Variants in SPTB observed in about 807,000 individuals in gnomAD.
SPTB encodes the protein spectrin beta, erythrocytic.
In SPTB, 45 loss-of-function variants were observed where a neutral mutation model predicts 256.2. The ratio of observed to expected loss-of-function variants is 0.18; its 90% CI spans 0.14 to 0.23. The LOEUF (loss-of-function observed/expected upper bound fraction) is 0.23. SPTB is among the 10% of genes least tolerant of loss of function. SPTB has a pLI of 1.00. For missense variants in SPTB, 2,715 were observed against 3,040.4 expected (o/e 0.89, Z 2.52); for synonymous variants, 1,231 against 1,243.1 (o/e 0.99, Z 0.21).
At chr14:64,849,717 T>C (rs1052750279) in intron 1 of SPTB, among the ~76,000 whole-genome samples, 16 of 152,196 alleles carry the variant, frequency 1.1e-4, no homozygotes, top group African/African-American at 3.9e-4. Flanking sequence ...AGTAAGGACA[T>C]TTTTTGTTTT....
rs1211482533 is a variant in SPTB, at chr14:64,806,784, G to A, written c.149-1694C>T. Reference sequence around the variant, plus strand: ...AGACAGACTCTATTATAAATATGACGAGGGCTTGAGTCATACATGAAGAAT... The same window carrying A: ...AGACAGACTCTATTATAAATATGACAAGGGCTTGAGTCATACATGAAGAAT... On this transcript the variant is annotated intron_variant, in intron 2 of 35. Coordinates refer to ENST00000644917, the MANE Select transcript of SPTB (RefSeq NM_001355436.2). The surrounding 1 kb of genome is among the most constrained non-coding windows in gnomAD (Gnocchi z 4.1). Among the ~76,000 whole-genome samples the A allele has an allele frequency of 1.3e-5, 2 of 152,120 alleles. No individual in the cohort carries two copies. The highest frequency in any genetic ancestry group is 6.5e-5 in the Admixed American group (1 of 15,270).
At chr14:64,810,411 G>A (rs2083066217) in intron 2 of SPTB, among the ~76,000 whole-genome samples, 1 of 152,228 alleles carries the variant, frequency 6.6e-6, no homozygotes, top group Non-Finnish European at 1.5e-5. Flanking sequence ...GGGCGTGGTG[G>A]CTCACGCCTG....
Position 64,790,945 on chromosome 14 carries a change from T to C in SPTB, c.2804+774A>G, listed in dbSNP as rs1003739035. 6.6e-6 allele frequency among the ~76,000 whole-genome samples: 1 copy of C among 152,176 alleles called. No homozygotes were observed. Among genetic ancestry groups the C allele is most frequent in the African/African-American group, 2.4e-5 (1 of 41,426 alleles). ...TAAGGCTCCCTGCTAATTCTCCTCTTCCTTCAAGCCAGCCTCATTATCGAT... is the reference window on the plus strand; with the variant it reads ...TAAGGCTCCCTGCTAATTCTCCTCTCCCTTCAAGCCAGCCTCATTATCGAT... On this transcript the variant is annotated intron_variant, in intron 15 of 35. Transcript: ENST00000644917. This position sits in a 1 kb window ranked among gnomAD's most constrained non-coding sequence, Gnocchi z 4.8.
intron 1 of SPTB, among the ~76,000 whole-genome samples, chr14:64,861,710 T>G (rs1304103387): frequency 6.6e-6 from 1 of 152,210 alleles, no homozygotes; most frequent in Non-Finnish European, 1.5e-5. Context: ...CAATCTGCAT[T>G]CATTGTCTTC....
rs1007052251 is a variant in SPTB at position 64,825,079 on chromosome 14, C to T, written c.-51-1934G>A. On this transcript the variant is annotated intron_variant, in intron 1 of 35. Coordinates refer to ENST00000644917, the MANE Select transcript of SPTB (RefSeq NM_001355436.2). The surrounding 1 kb of genome is among the most constrained non-coding windows in gnomAD (Gnocchi z 4.8). ...AGGGCAGGTGGGGAAAGGACTGGAGCACAGTTTATCCCCCTTGATCGGACA... is the reference window on the plus strand; with the variant it reads ...AGGGCAGGTGGGGAAAGGACTGGAGTACAGTTTATCCCCCTTGATCGGACA... Among the ~76,000 whole-genome samples, 1 of 151,250 alleles carries T rather than the reference C, an allele frequency of 6.6e-6. No homozygotes were observed. The highest frequency in any genetic ancestry group is 2.4e-5 in the African/African-American group (1 of 41,080).
At position 64,775,921 on chromosome 14, in the gene SPTB, T is replaced by G. The variant is rs2082349530; in HGVS notation, c.4564-518A>C. ...AAAAGAACAGGTGACAGCAGCCCCTTGCTTACAGTCTCAGCTTTTGTTTTT... is the reference window on the plus strand; with the variant it reads ...AAAAGAACAGGTGACAGCAGCCCCTGGCTTACAGTCTCAGCTTTTGTTTTT... On this transcript the variant is annotated intron_variant, in intron 22 of 35. Coordinates refer to ENST00000644917, the MANE Select transcript of SPTB (RefSeq NM_001355436.2). The surrounding 1 kb of genome is among the most constrained non-coding windows in gnomAD (Gnocchi z 5.0). 6.6e-6 allele frequency among the ~76,000 whole-genome samples: 1 copy of G among 152,220 alleles called. No individual in the cohort carries two copies. The highest frequency in any genetic ancestry group is 2.4e-5 in the African/African-American group (1 of 41,460).
Position 64,801,316 on chromosome 14 carries a change from C to G in SPTB, c.732G>C (p.Gln244His). The G allele has an allele frequency of 6.2e-7, 1 of 1,614,132 alleles. No individual in the cohort carries two copies. Among genetic ancestry groups the G allele is most frequent in the Non-Finnish European group, 8.5e-7 (1 of 1,179,984 alleles). Residue 244 changes from glutamine (Q) to histidine (H), a missense_variant, in exon 7 of 36, where the codon CAG becomes CAC. Physicochemically the swap from Gln to His is conservative, Grantham distance 24. This residue lies in a region of SPTB where 416 missense variants were observed against 571.1 expected (regional missense o/e 0.73). Coordinates refer to ENST00000644917, the MANE Select transcript of SPTB (RefSeq NM_001355436.2). Reference protein sequence around the residue: ...LEHAFNVAERQLGIIPLLDPE... With the variant: ...LEHAFNVAERHLGIIPLLDPE... ...GGTCGAGGAGCGGGATGATGCCCAG[C>G]TGGCGCTCAGCCACATTGAATGCGT...
At position 64,844,407 on chromosome 14, in the gene SPTB, G is replaced by C. The variant is rs2083657437; in HGVS notation, c.-51-21262C>G. Among the ~76,000 whole-genome samples, 1 of 152,160 alleles carries C rather than the reference G, an allele frequency of 6.6e-6. No individual in the cohort carries two copies. Among genetic ancestry groups the C allele is most frequent in the South Asian group, 2.1e-4 (1 of 4,826 alleles). ...AACAACCATGTTTAGTGAGTACTTA[G>C]AACATGTGAGGCACCATGCTAAGTG... On this transcript the variant is annotated intron_variant, in intron 1 of 35. Coordinates refer to ENST00000644917, the MANE Select transcript of SPTB (RefSeq NM_001355436.2). This position sits in a 1 kb window ranked among gnomAD's most constrained non-coding sequence, Gnocchi z 4.1.
intron 19 of SPTB, among the ~76,000 whole-genome samples, chr14:64,783,361 C>T (rs1466905903): frequency 2.6e-5 from 4 of 152,022 alleles, no homozygotes; most frequent in Middle Eastern, 3.2e-3. Flanking sequence ...GCCACCATGC[C>T]CAGATAATTT....
chr14:64,786,890 G>T lies in SPTB; in HGVS notation c.3075C>A (p.His1025Gln). The T allele has an allele frequency of 6.2e-7, 1 of 1,612,844 alleles. No individual in the cohort carries two copies. The highest frequency in any genetic ancestry group is 1.1e-5 in the South Asian group (1 of 91,076). The change falls in exon 16 of 36, where the codon CAC becomes CAA. Residue 1025 changes from histidine to glutamine, a missense_variant. His to Gln is a conservative substitution (Grantham distance 24). This residue lies in a region of SPTB where 2,239 missense variants were observed against 2,384.4 expected (regional missense o/e 0.94). Coordinates refer to ENST00000644917, the MANE Select transcript of SPTB (RefSeq NM_001355436.2). This position sits in a 1 kb window ranked among gnomAD's most constrained non-coding sequence, Gnocchi z 5.6. ...ERESQQLMDSHPEQKEDIGQR... is the reference protein window; with the variant it reads ...ERESQQLMDSQPEQKEDIGQR... The stretch of plus-strand genomic sequence containing the variant: ...GACCAATATCCTCCTTCTGCTCAGG[G>T]TGCGAGTCCATCAGCTGCTGGGACT...
intron 9 of SPTB, 49 bp from the exon 10 acceptor site, chr14:64,797,895 A>C: frequency 6.8e-7 from 1 of 1,463,128 alleles, no homozygotes; most frequent in East Asian, 2.3e-5. Context: ...TCTCATGGCC[A>C]AATTTTTTTG....
In SPTB at chr14:64,786,812, C is replaced by T; in HGVS notation, c.3153G>A (p.Gln1051=). ...ELWQGLQQSL[Q]GQEDLLGEVS... ...CTTCCCCCAGCAAGTCCTCCTGGCC[C>T]TGCAGGGATTGCTGCAGGCCCTGCC... Residue 1051 remains glutamine, a synonymous_variant, in exon 16 of 36, where the codon CAG becomes CAA. Coordinates refer to ENST00000644917, the MANE Select transcript of SPTB (RefSeq NM_001355436.2). The surrounding 1 kb of genome is among the most constrained non-coding windows in gnomAD (Gnocchi z 5.6). 6.2e-7 allele frequency: 1 copy of T among 1,614,054 alleles called. No individual in the cohort carries two copies. The highest frequency in any genetic ancestry group is 8.5e-7 in the Non-Finnish European group (1 of 1,180,032).
chr14:64,837,966 A>C (rs1257680045), intron 1 of SPTB, among the ~76,000 whole-genome samples: 1 of 152,208 alleles, frequency 6.6e-6, no homozygotes, highest in African/African-American at 2.4e-5. Flanking sequence ...GAATAGACAA[A>C]GCCATTTTGA....
chr14:64,816,569 T>C lies in SPTB; in HGVS notation c.148+6378A>G, dbSNP rs755316627. 6.6e-6 allele frequency among the ~76,000 whole-genome samples: 1 copy of C among 152,238 alleles called. No individual in the cohort carries two copies. The highest frequency in any genetic ancestry group is 1.5e-5 in the Non-Finnish European group (1 of 68,042). On this transcript the variant is annotated intron_variant, in intron 2 of 35. Transcript: ENST00000644917. This position sits in a 1 kb window ranked among gnomAD's most constrained non-coding sequence, Gnocchi z 4.2. ...AATTTGTCATAATTTGCTATGCACG[T>C]GTGTCTATGCACATAGACACGTGTG...
At chr14:64,803,269 T>C (rs1477513595) in intron 4 of SPTB, among the ~76,000 whole-genome samples, 1 of 152,204 alleles carries the variant, frequency 6.6e-6, no homozygotes, top group East Asian at 1.9e-4. Flanking sequence ...TTTTTGCAAT[T>C]TTCTGTATCT....
Position 64,777,697 on chromosome 14 carries a change from A to G in SPTB, c.4563+1460T>C, listed in dbSNP as rs1178203498. Among the ~76,000 whole-genome samples the G allele has an allele frequency of 2.0e-5, 3 of 152,176 alleles. No homozygotes were observed. The highest frequency in any genetic ancestry group is 4.4e-5 in the Non-Finnish European group (3 of 68,040). On this transcript the variant is annotated intron_variant, in intron 22 of 35. Transcript: ENST00000644917. This position sits in a 1 kb window ranked among gnomAD's most constrained non-coding sequence, Gnocchi z 4.5. ...GTTAAGTCGTGTAAACTCACCCAGA[A>G]GGCTTGTTAAAGGAGTTGCATATTG...
rs1179061892 is a variant in SPTB, at chr14:64,749,444, C to T, written c.6849G>A (p.Val2283=). The T allele has an allele frequency of 1.2e-6, 2 of 1,602,702 alleles. No individual in the cohort carries two copies. Among genetic ancestry groups the T allele is most frequent in the Non-Finnish European group, 1.7e-6 (2 of 1,178,772 alleles). ...EEEMLSWLQG[V]STAINESQSI... ...TCTGGGACTCGTTGATGGCGGTGCT[C>T]ACGCCCTGCAGCCAGGACAGCATCT... Residue 2283 remains valine, a synonymous_variant, in exon 36 of 36, where the codon GTG becomes GTA. Coordinates refer to ENST00000644917, the MANE Select transcript of SPTB (RefSeq NM_001355436.2). The surrounding 1 kb of genome is among the most constrained non-coding windows in gnomAD (Gnocchi z 4.7).
rs1376286477 is a variant in SPTB at position 64,764,300 on chromosome 14, A to G, written c.6345+2426T>C. 6.6e-6 allele frequency among the ~76,000 whole-genome samples: 1 copy of G among 152,208 alleles called. No individual in the cohort carries two copies. The highest frequency in any genetic ancestry group is 6.5e-5 in the Admixed American group (1 of 15,288). ...TCTGTCCTCCTCTTTCTTGCATCGA[A>G]GGTGGATGGGGTATTAGGCCCTCCC... On this transcript the variant is annotated intron_variant, in intron 32 of 35. Transcript: ENST00000644917. The surrounding 1 kb of genome is among the most constrained non-coding windows in gnomAD (Gnocchi z 4.2).
Position 64,802,400 on chromosome 14 carries a change from C to T in SPTB, c.475-83G>A. On this transcript the variant is annotated intron_variant, in intron 4 of 35. Transcript: ENST00000644917. This position sits in a 1 kb window ranked among gnomAD's most constrained non-coding sequence, Gnocchi z 5.1. ...CCTGCCGTCCCTGGGAGGCTCCCTCCCTCATCCCCCCTTCACTTAACACTA... is the reference window on the plus strand; with the variant it reads ...CCTGCCGTCCCTGGGAGGCTCCCTCTCTCATCCCCCCTTCACTTAACACTA... The T allele has an allele frequency of 8.0e-7, 1 of 1,253,968 alleles. No individual in the cohort carries two copies. The highest frequency in any genetic ancestry group is 1.1e-6 in the Non-Finnish European group (1 of 871,090). The allele number at this position is 1,253,968 out of a possible 1,614,324, so 77.7% of individuals were successfully genotyped here. A position where few individuals can be genotyped will look rare whatever the true frequency, so the allele number is the denominator to read the frequency against.
Sources: gnomAD v4.1 joint callset for allele counts (sites outside exome capture counted in the v4.1 genomes callset) on GRCh38, gnomAD v4.1.1 for gene constraint, gnomAD v4.1.1 regional missense constraint, Gnocchi (gnomAD v3.1) non-coding constraint, MANE v1.5 for transcripts, NCBI Gene and HGNC (gene_info 2026-07-23, HGNC 2026-07-21) for gene names.